EYS: variants seen among roughly 807,000 people sequenced by gnomAD.
EYS encodes EGF-like photoreceptor maintenance factor, also known as protein eyes shut homolog.
EYS carries 250 observed loss-of-function variants against 282.1 expected under a neutral mutation model. The observed-to-expected ratio is 0.89, with a 90% CI of 0.80 to 0.98. The LOEUF is 0.98. Ranked by LOEUF, EYS falls within the 50% of genes least tolerant of loss-of-function variation. The pLI is 0.00. For missense variants in EYS, 4,016 were observed against 3,709.0 expected (o/e 1.08, Z -2.15); for synonymous variants, 1,355 against 1,282.9 (o/e 1.06, Z -1.20).
intron 15 of EYS, among the ~76,000 whole-genome samples, chr6:64,919,517 A>G (rs770288529): frequency 6.8e-6 from 1 of 148,142 alleles, no homozygotes; most frequent in African/African-American, 2.5e-5. Context: ...GATTTCTTCT[A>G]TTTAGGCCAT....
intron 31 of EYS, among the ~76,000 whole-genome samples, chr6:64,109,444 A>G (rs1469279768): frequency 1.3e-5 from 2 of 152,084 alleles, no homozygotes; most frequent in African/African-American, 2.4e-5. Flanking sequence ...TCTATGTAAT[A>G]TAAAATAATT....
chr6:65,327,907 A>C (rs1210172624), intron 11 of EYS, among the ~76,000 whole-genome samples: 1 of 151,476 alleles, frequency 6.6e-6, no homozygotes, highest in African/African-American at 2.4e-5. Context: ...ATAGTTAAAA[A>C]ATTCTAAGAA....
intron 26 of EYS, among the ~76,000 whole-genome samples, chr6:64,443,794 A>G (rs1775030698): frequency 6.6e-6 from 1 of 152,066 alleles, no homozygotes; most frequent in East Asian, 1.9e-4. Context: ...CATGATTGTG[A>G]GGCCTCCCCA....
intron 14 of EYS, among the ~76,000 whole-genome samples, chr6:64,992,560 A>G (rs1226643660): frequency 6.6e-6 from 1 of 151,982 alleles, no homozygotes; most frequent in East Asian, 1.9e-4. Context: ...TTCAGGATGG[A>G]TTAATTTTGT....
intron 22 of EYS, among the ~76,000 whole-genome samples, chr6:64,809,587 A>G (rs919388719): frequency 5.9e-5 from 9 of 152,094 alleles, no homozygotes; most frequent in Non-Finnish European, 1.3e-4. Context: ...TCAACAGCAG[A>G]TCGATAAAAG....
intron 19 of EYS, among the ~76,000 whole-genome samples, chr6:64,879,211 G>A (rs981229890): frequency 2.0e-5 from 3 of 151,902 alleles, no homozygotes; most frequent in African/African-American, 7.3e-5. Flanking sequence ...TCCTATGAAG[G>A]GGAAAAGACC....
At chr6:65,699,852 C>T (rs1380948174) in intron 1 of EYS, among the ~76,000 whole-genome samples, 5 of 152,158 alleles carry the variant, frequency 3.3e-5, no homozygotes, top group East Asian at 2.0e-4. Flanking sequence ...CGGTGGCTCA[C>T]GCCTGTAATC....
At chr6:64,232,793 A>T (rs904926623) in intron 30 of EYS, among the ~76,000 whole-genome samples, 1 of 151,722 alleles carries the variant, frequency 6.6e-6, no homozygotes, top group Non-Finnish European at 1.5e-5. Context: ...TATAAATAAT[A>T]TAAGTTCTAA....
chr6:64,744,005 T>C (rs1265775445), intron 22 of EYS, among the ~76,000 whole-genome samples: 3 of 152,174 alleles, frequency 2.0e-5, no homozygotes. Flanking sequence ...CTTTGTAAAA[T>C]TTGGTATACA....
chr6:65,250,635 C>T (rs963432959), intron 12 of EYS, among the ~76,000 whole-genome samples: 3 of 151,744 alleles, frequency 2.0e-5, no homozygotes, highest in African/African-American at 7.3e-5. Context: ...CAGAACCTGG[C>T]CTCAAAAAAC....
rs143267406 is a variant in EYS at position 64,535,345 on chromosome 6, T to C, written c.5644+54878A>G. Among the ~76,000 whole-genome samples, 445 of 152,356 alleles carry C rather than the reference T, an allele frequency of 2.9e-3. 4 individuals carry two copies. In the Middle Eastern group the frequency reaches 0.034, roughly 12 times the overall value. On this transcript the variant is annotated intron_variant, in intron 26 of 42. Transcript: ENST00000503581. ...AATCATAAATGAACAAATCTCATTA[T>C]GTCAAACCAGGCATTAAGTAACTCA...
intron 26 of EYS, among the ~76,000 whole-genome samples, chr6:64,465,497 G>A (rs1412550337): frequency 6.6e-6 from 1 of 152,040 alleles, no homozygotes; most frequent in African/African-American, 2.4e-5. Context: ...AGATGTCAAG[G>A]AAAGAATGAT....
intron 22 of EYS, among the ~76,000 whole-genome samples, chr6:64,642,979 G>A (rs144810537): frequency 1.4e-3 from 210 of 152,320 alleles, no homozygotes; most frequent in African/African-American, 4.7e-3. Context: ...GCTGGGCGTG[G>A]TGGCACATGC....
At chr6:64,687,604 C>T (rs533814942) in intron 22 of EYS, among the ~76,000 whole-genome samples, 65 of 152,262 alleles carry the variant, frequency 4.3e-4, no homozygotes, top group African/African-American at 1.2e-3. Flanking sequence ...TTTTGATATG[C>T]GGCTGGATTC....
intron 36 of EYS, among the ~76,000 whole-genome samples, chr6:63,820,285 T>G (rs1442536141): frequency 6.6e-6 from 1 of 152,198 alleles, no homozygotes; most frequent in Non-Finnish European, 1.5e-5. Context: ...GTGAGATGTC[T>G]GTTCATATGC....
At chr6:65,011,593 C>T (rs752020605) in intron 13 of EYS, among the ~76,000 whole-genome samples, 4 of 152,134 alleles carry the variant, frequency 2.6e-5, no homozygotes, top group African/African-American at 7.2e-5. Flanking sequence ...GGGCAGTCAT[C>T]GGACAATCTC....
intron 31 of EYS, among the ~76,000 whole-genome samples, chr6:64,128,560 G>A (rs962150929): frequency 2.0e-5 from 3 of 152,032 alleles, no homozygotes; most frequent in Admixed American, 6.5e-5. Context: ...AGAAATGTAA[G>A]GGCTGTCAAC....
intron 37 of EYS, among the ~76,000 whole-genome samples, chr6:63,804,885 A>C (rs1225766387): frequency 6.6e-6 from 1 of 152,198 alleles, no homozygotes; most frequent in Admixed American, 6.5e-5. Flanking sequence ...ATGAGGTTTC[A>C]GCATAGGGAT....
At chr6:64,998,251 T>G (rs1771340876) in intron 13 of EYS, among the ~76,000 whole-genome samples, 1 of 152,240 alleles carries the variant, frequency 6.6e-6, no homozygotes, top group Non-Finnish European at 1.5e-5. Context: ...GTTCTTCATT[T>G]TACCATTAAT....
Sources: allele counts gnomAD v4.1 joint callset (sites outside exome capture counted in the v4.1 genomes callset), GRCh38; gene constraint gnomAD v4.1.1; transcripts MANE v1.5; gene names NCBI Gene and HGNC (gene_info 2026-07-23, HGNC 2026-07-21).